CDH18: variants seen among roughly 807,000 people sequenced by gnomAD.
CDH18 encodes cadherin 18.
A neutral mutation model predicts 67.9 loss-of-function variants in CDH18; 31 were observed. The ratio of observed to expected loss-of-function variants is 0.46; its 90% CI spans 0.34 to 0.62. CDH18 has a LOEUF of 0.62. Ranked by LOEUF, CDH18 falls within the 20% of genes least tolerant of loss-of-function variation. The pLI is 0.01. For missense variants in CDH18, 890 were observed against 975.5 expected (o/e 0.91, Z 1.17); for synonymous variants, 362 against 347.2 (o/e 1.04, Z -0.48).
chr5:19,803,153 T>C (rs62355770), intron 3 of CDH18, among the ~76,000 whole-genome samples: 6,774 of 152,262 alleles, frequency 0.044, 198 homozygotes, highest in Non-Finnish European at 0.066. Context: ...CATTTATAAA[T>C]ACAGTGAACA....
chr5:19,605,631 G>A (rs1044717587), intron 6 of CDH18, among the ~76,000 whole-genome samples: 3 of 152,034 alleles, frequency 2.0e-5, no homozygotes, highest in Non-Finnish European at 4.4e-5. Context: ...TCTAAAAGAT[G>A]CATAGTATAT....
intron 2 of CDH18, among the ~76,000 whole-genome samples, chr5:19,920,553 G>T (rs1279533354): frequency 7.7e-6 from 1 of 130,448 alleles, no homozygotes; most frequent in African/African-American, 2.9e-5. Flanking sequence ...TTGCCCTGTC[G>T]CCTAGTCTGG....
intron 2 of CDH18, among the ~76,000 whole-genome samples, chr5:20,032,716 T>C (rs575103917): frequency 6.6e-6 from 1 of 152,116 alleles, no homozygotes; most frequent in East Asian, 1.9e-4. Context: ...TAGTTTGACA[T>C]AGAATATGTG....
At chr5:20,036,413 A>G (rs1472345257) in intron 2 of CDH18, among the ~76,000 whole-genome samples, 1 of 152,052 alleles carries the variant, frequency 6.6e-6, no homozygotes, top group African/African-American at 2.4e-5. Flanking sequence ...AGAAGAAAAA[A>G]GAAGGAGAAG....
chr5:20,452,460 AC>A (rs1217663175), intron 1 of CDH18, among the ~76,000 whole-genome samples: 1 of 152,146 alleles, frequency 6.6e-6, no homozygotes, highest in African/African-American at 2.4e-5. Flanking sequence ...CTTTTCAGGA[AC>A]ATGATGGAGT....
intron 2 of CDH18, among the ~76,000 whole-genome samples, chr5:19,949,205 G>A (rs1473254440): frequency 1.3e-5 from 2 of 152,084 alleles, no homozygotes; most frequent in African/African-American, 4.8e-5. Context: ...TCCGAAATGG[G>A]TTTTGCTTGA....
At chr5:20,071,526 T>C (rs181062669) in intron 2 of CDH18, among the ~76,000 whole-genome samples, 7 of 152,202 alleles carry the variant, frequency 4.6e-5, no homozygotes, top group Admixed American at 4.6e-4. Context: ...AATTCTTTAA[T>C]TCTGAAGGGA....
chr5:20,522,080 A>G (rs1362380569), intron 1 of CDH18, among the ~76,000 whole-genome samples: 1 of 152,170 alleles, frequency 6.6e-6, no homozygotes, highest in African/African-American at 2.4e-5. Flanking sequence ...TTACAAAAAG[A>G]GAAAATTTGG....
At chr5:20,210,316 GA>G (rs1740257167) in intron 2 of CDH18, among the ~76,000 whole-genome samples, 1 of 151,818 alleles carries the variant, frequency 6.6e-6, no homozygotes, top group African/African-American at 2.4e-5. Context: ...TTAGTGAACA[GA>G]AAGCCAAAGA....
intron 2 of CDH18, among the ~76,000 whole-genome samples, chr5:20,011,862 C>T (rs887008153): frequency 6.6e-6 from 1 of 152,012 alleles, no homozygotes; most frequent in African/African-American, 2.4e-5. Context: ...AGTATTTTTG[C>T]ATCAATGTTC....
rs974932528 is a variant in CDH18, at chr5:19,764,642, T to C, written c.229-17406A>G. On this transcript the variant is annotated intron_variant, in intron 3 of 12. Transcript: ENST00000382275. The stretch of plus-strand genomic sequence containing the variant: ...ATTTCTTCATATATATATATATATA[T>C]ATATATACACACACACATACACATA... Among the ~76,000 whole-genome samples the C allele has an allele frequency of 9.4e-4, 141 of 150,634 alleles. 1 individual carries two copies. The highest frequency in any genetic ancestry group is 3.2e-3 in the African/African-American group (133 of 41,142).
At chr5:19,927,091 T>C (rs1465375105) in intron 2 of CDH18, among the ~76,000 whole-genome samples, 2 of 152,158 alleles carry the variant, frequency 1.3e-5, no homozygotes, top group Non-Finnish European at 2.9e-5. Context: ...TTTTATGACT[T>C]CTTTTGATTA....
intron 10 of CDH18, among the ~76,000 whole-genome samples, chr5:19,517,695 A>T (rs1009738760): frequency 1.3e-5 from 2 of 152,038 alleles, no homozygotes. Flanking sequence ...TTGGCTTGAT[A>T]TTTCCATCAA....
At chr5:19,523,043 T>G (rs561378115) in intron 9 of CDH18, among the ~76,000 whole-genome samples, 18 of 151,738 alleles carry the variant, frequency 1.2e-4, no homozygotes, top group Non-Finnish European at 2.4e-4. Context: ...ACATAGAAAT[T>G]TAATATATGG....
intron 11 of CDH18, among the ~76,000 whole-genome samples, chr5:19,491,886 T>C (rs1741528774): frequency 1.3e-5 from 2 of 152,108 alleles, no homozygotes; most frequent in Admixed American, 1.3e-4. Context: ...CAAGAAATCT[T>C]GTTTCATAGG....
chr5:19,963,909 G>A (rs1797167480), intron 2 of CDH18, among the ~76,000 whole-genome samples: 1 of 151,978 alleles, frequency 6.6e-6, no homozygotes, highest in African/African-American at 2.4e-5. Flanking sequence ...AAAGGGGGAA[G>A]AGCCCCTTTT....
At chr5:20,530,457 TG>T (rs1420186766) in intron 1 of CDH18, among the ~76,000 whole-genome samples, 1 of 151,998 alleles carries the variant, frequency 6.6e-6, no homozygotes, top group Non-Finnish European at 1.5e-5. Context: ...AGAACAAAGC[TG>T]GAGGCATCAC....
chr5:19,640,581 C>A (rs1324031639), intron 5 of CDH18, among the ~76,000 whole-genome samples: 2 of 152,002 alleles, frequency 1.3e-5, no homozygotes, highest in Non-Finnish European at 1.5e-5. Flanking sequence ...AAACAGCATT[C>A]TTTTGAACAA....
intron 1 of CDH18, among the ~76,000 whole-genome samples, chr5:20,318,530 G>A (rs528398988): frequency 1.3e-5 from 2 of 152,224 alleles, no homozygotes; most frequent in South Asian, 4.1e-4. Flanking sequence ...TGTTGGTACT[G>A]TATAGTGAGC....
Sources: allele counts gnomAD v4.1 joint callset (sites outside exome capture counted in the v4.1 genomes callset), GRCh38; gene constraint gnomAD v4.1.1; transcripts MANE v1.5; gene names NCBI Gene and HGNC (gene_info 2026-07-23, HGNC 2026-07-21).